Variants in WDR25 observed in about 807,000 individuals in gnomAD.
WDR25 encodes the protein WD repeat-containing protein 25.
Under a neutral mutation model 47.7 loss-of-function variants are expected in WDR25, and 35 were observed. The observed-to-expected ratio is 0.73, with a 90% CI of 0.56 to 0.97. WDR25 has a LOEUF of 0.97. Ranked by LOEUF, WDR25 falls within the 50% of genes least tolerant of loss-of-function variation. WDR25 has a pLI of 0.00. For synonymous variants in WDR25, 248 were observed against 278.9 expected, an observed-to-expected ratio of 0.89 and a Z score of 1.10; for missense variants, 634 against 704.7, an observed-to-expected ratio of 0.90 and a Z score of 1.14.
At chr14:100,386,414 T>C (rs188131644) in intron 2 of WDR25, among the ~76,000 whole-genome samples, 1,769 of 152,338 alleles carry the variant, frequency 0.012, 17 homozygotes, top group Non-Finnish European at 0.02. Flanking sequence ...GTAAGGGGAA[T>C]TTTTCTACCT....
chr14:100,381,632 G>A lies in WDR25; in HGVS notation c.708G>A (p.Arg236=), dbSNP rs1896903336. The A allele has an allele frequency of 6.2e-7, 1 of 1,613,986 alleles. No homozygotes were observed. Residue 236 remains arginine (R), a synonymous_variant, in exon 2 of 7, where the codon CGG becomes CGA. Coordinates refer to ENST00000402312, the MANE Select transcript of WDR25 (RefSeq NM_001161476.3). ...ATTATAAAGAAACCACAGTTCCCCGGAAAGTGCTTTTCCACCTGAGAGGCC... is the reference window on the plus strand; with the variant it reads ...ATTATAAAGAAACCACAGTTCCCCGAAAAGTGCTTTTCCACCTGAGAGGCC... ...NSHYKETTVP[R]KVLFHLRGHR...
intron 3 of WDR25, among the ~76,000 whole-genome samples, chr14:100,479,189 T>A (rs970833188): frequency 6.6e-6 from 1 of 152,082 alleles, no homozygotes; most frequent in African/African-American, 2.4e-5. Flanking sequence ...GAAGCGAGTG[T>A]CCTGGGGCCT....
chr14:100,461,529 G>T (rs1181739834), intron 2 of WDR25, among the ~76,000 whole-genome samples: 1 of 152,186 alleles, frequency 6.6e-6, no homozygotes, highest in Non-Finnish European at 1.5e-5. Context: ...CATGGATTGG[G>T]AGACTCAATA....
chr14:100,482,216 G>T (rs964258652), intron 3 of WDR25, among the ~76,000 whole-genome samples: 1 of 152,090 alleles, frequency 6.6e-6, no homozygotes, highest in African/African-American at 2.4e-5. Flanking sequence ...GAACCTACTT[G>T]CAACCAGACT....
intron 2 of WDR25, among the ~76,000 whole-genome samples, chr14:100,413,635 G>A (rs564973094): frequency 3.3e-5 from 5 of 151,886 alleles, no homozygotes; most frequent in Non-Finnish European, 5.9e-5. Flanking sequence ...GGATGGTCTC[G>A]ATCTCCTGAC....
At chr14:100,436,385 A>G (rs1250119871) in intron 2 of WDR25, among the ~76,000 whole-genome samples, 1 of 152,142 alleles carries the variant, frequency 6.6e-6, no homozygotes, top group East Asian at 1.9e-4. Context: ...GTTTGCTTTA[A>G]TGTCACTTTA....
intron 4 of WDR25, among the ~76,000 whole-genome samples, chr14:100,489,320 G>T (rs889558268): frequency 7.2e-5 from 11 of 152,216 alleles, no homozygotes; most frequent in Admixed American, 5.2e-4. Context: ...AGCACAGAAT[G>T]GAAGCTGTAG....
intron 4 of WDR25, among the ~76,000 whole-genome samples, chr14:100,515,446 C>A (rs1412658237): frequency 6.6e-6 from 1 of 151,946 alleles, no homozygotes. Flanking sequence ...ATTTAGTAAT[C>A]ATATCTTATG....
intron 4 of WDR25, among the ~76,000 whole-genome samples, chr14:100,524,916 A>T (rs2030038912): frequency 1.3e-5 from 2 of 152,222 alleles, no homozygotes; most frequent in African/African-American, 4.8e-5. Flanking sequence ...GATGACAGAA[A>T]ATATGTCTGC....
chr14:100,467,781 C>T (rs1368231338), intron 2 of WDR25, among the ~76,000 whole-genome samples: 5 of 152,208 alleles, frequency 3.3e-5, no homozygotes, highest in Non-Finnish European at 4.4e-5. Flanking sequence ...CTGCCATACC[C>T]GTCCAGAATG....
chr14:100,425,854 G>A lies in WDR25; in HGVS notation c.823-42167G>A, dbSNP rs1294143953. Reference sequence around the variant, plus strand: ...GTTTCAGGCACAGATATGCAGCCAGGGAAATCACCTGGGGCAAGCTGACCC... The same window carrying A: ...GTTTCAGGCACAGATATGCAGCCAGAGAAATCACCTGGGGCAAGCTGACCC... On this transcript the variant is annotated intron_variant, in intron 2 of 6. Coordinates refer to ENST00000402312, the MANE Select transcript of WDR25 (RefSeq NM_001161476.3). This position sits in a 1 kb window ranked among gnomAD's most constrained non-coding sequence, Gnocchi z 4.8. 6.6e-6 allele frequency among the ~76,000 whole-genome samples: 1 copy of A among 152,152 alleles called. No homozygotes were observed. Among genetic ancestry groups the A allele is most frequent in the East Asian group, 1.9e-4 (1 of 5,200 alleles).
intron 3 of WDR25, among the ~76,000 whole-genome samples, chr14:100,469,853 G>T (rs1195043758): frequency 6.6e-6 from 1 of 152,214 alleles, no homozygotes; most frequent in Non-Finnish European, 1.5e-5. Context: ...CAGGATGCAC[G>T]CAGGTCTGCT....
intron 4 of WDR25, among the ~76,000 whole-genome samples, chr14:100,495,777 C>T (rs1900710718): frequency 6.6e-6 from 1 of 152,228 alleles, no homozygotes; most frequent in African/African-American, 2.4e-5. Flanking sequence ...AGCTCCTTAC[C>T]TGCCAGACCA....
chr14:100,467,413 G>GGGTGCA (rs1899670354), intron 2 of WDR25, among the ~76,000 whole-genome samples: 1 of 152,230 alleles, frequency 6.6e-6, no homozygotes, highest in African/African-American at 2.4e-5. Flanking sequence ...TGAATGCTGA[G>GGGTGCA]GGTGCAGGAC....
At chr14:100,409,014 A>G (rs1897629292) in intron 2 of WDR25, among the ~76,000 whole-genome samples, 1 of 152,186 alleles carries the variant, frequency 6.6e-6, no homozygotes. Flanking sequence ...TGTCGAGATA[A>G]CTGAGATCAG....
chr14:100,452,693 G>T (rs933459654), intron 2 of WDR25, among the ~76,000 whole-genome samples: 1 of 152,188 alleles, frequency 6.6e-6, no homozygotes, highest in Non-Finnish European at 1.5e-5. Flanking sequence ...TGGATAGTTT[G>T]TGGGGTGGGG....
At chr14:100,446,861 A>G (rs907838621) in intron 2 of WDR25, among the ~76,000 whole-genome samples, 5 of 152,178 alleles carry the variant, frequency 3.3e-5, no homozygotes, top group Non-Finnish European at 5.9e-5. Context: ...CACCGCATGG[A>G]TGCAGGGATT....
At chr14:100,510,626 C>T (rs917969546) in intron 4 of WDR25, among the ~76,000 whole-genome samples, 2 of 151,670 alleles carry the variant, frequency 1.3e-5, no homozygotes, top group South Asian at 4.2e-4. Context: ...ATCCCAGCTA[C>T]TCGGGAGGCT....
In WDR25 at chr14:100,407,495, G is replaced by A. The variant is rs1897575134; in HGVS notation, c.822+25749G>A. The A allele has an allele frequency of 6.6e-6, 1 of 152,378 alleles. No individual in the cohort carries two copies. The highest frequency in any genetic ancestry group is 2.4e-5 in the African/African-American group (1 of 41,452). 9.4% of individuals were successfully genotyped at this position (152,378 alleles called of 1,614,324 possible). A position where few individuals can be genotyped will look rare whatever the true frequency, so the allele number is the denominator to read the frequency against. ...TTCTGGACGGGGCTGGCAGTTGTGTGTGGGGCTCATGGATGGTTTTAGGCC... is the reference window on the plus strand; with the variant it reads ...TTCTGGACGGGGCTGGCAGTTGTGTATGGGGCTCATGGATGGTTTTAGGCC... On this transcript the variant is annotated intron_variant, in intron 2 of 6. Transcript: ENST00000402312. This position sits in a 1 kb window ranked among gnomAD's most constrained non-coding sequence, Gnocchi z 4.1.
Sources: gnomAD v4.1 joint callset for allele counts (sites outside exome capture counted in the v4.1 genomes callset) on GRCh38, gnomAD v4.1.1 for gene constraint, Gnocchi (gnomAD v3.1) non-coding constraint, MANE v1.5 for transcripts, NCBI Gene and HGNC (gene_info 2026-07-23, HGNC 2026-07-21) for gene names.